Variants in CALCRL observed in about 807,000 individuals in gnomAD.
The protein encoded by CALCRL is calcitonin gene-related peptide type 1 receptor.
A neutral mutation model predicts 60.4 loss-of-function variants in CALCRL; 27 were observed. The ratio of observed to expected loss-of-function variants is 0.45; its 90% CI spans 0.33 to 0.62. CALCRL has a LOEUF of 0.62. Among genes scored for constraint, CALCRL ranks in the 20% least tolerant of loss-of-function variants. CALCRL has a pLI of 0.03. For synonymous variants in CALCRL, 190 were observed against 182.6 expected (o/e 1.04, Z -0.33); for missense variants, 424 against 540.7 (o/e 0.78, Z 2.14).
chr2:187,372,157 C>G (rs984959406), intron 8 of CALCRL, among the ~76,000 whole-genome samples: 2 of 151,640 alleles, frequency 1.3e-5, no homozygotes, highest in East Asian at 3.9e-4. Flanking sequence ...AAACCAACAA[C>G]ATTTTCTTTT....
chr2:187,445,368 A>G (rs1389635442), intron 1 of CALCRL, among the ~76,000 whole-genome samples: 1 of 151,672 alleles, frequency 6.6e-6, no homozygotes, highest in Non-Finnish European at 1.5e-5. Context: ...TAATCATTAT[A>G]TCTCCAAAAC....
intron 1 of CALCRL, chr2:187,428,921 A>C (rs970013712): frequency 6.6e-6 from 1 of 151,828 alleles, no homozygotes; most frequent in East Asian, 1.9e-4. Context: ...TACTGTAAGC[A>C]TAACTTTTCT....
intron 10 of CALCRL, among the ~76,000 whole-genome samples, chr2:187,359,933 G>A (rs1384443876): frequency 2.1e-5 from 3 of 140,764 alleles, no homozygotes; most frequent in African/African-American, 9.7e-5. Flanking sequence ...TAGAGATATA[G>A]ATAGATAGAT....
At chr2:187,352,816 GT>G (rs1686593156) in intron 12 of CALCRL, among the ~76,000 whole-genome samples, 1 of 151,744 alleles carries the variant, frequency 6.6e-6, no homozygotes, top group Non-Finnish European at 1.5e-5. Flanking sequence ...AAACTTTCCT[GT>G]TTCTTCTAGT....
rs1490145046 is a variant in CALCRL at position 187,344,318 on chromosome 2, T to G, written c.*1866A>C. ...ATTCTATATGTTAATTCTTACGAAT[T>G]TAGATAATTTGTCTTAGCAATTTGA... On this transcript the variant is annotated 3_prime_UTR_variant, in exon 15 of 15. Coordinates refer to ENST00000392370, the MANE Select transcript of CALCRL (RefSeq NM_005795.6). The G allele has an allele frequency of 6.6e-6, 1 of 151,606 alleles. No individual in the cohort carries two copies. Among genetic ancestry groups the G allele is most frequent in the Admixed American group, 6.6e-5 (1 of 15,160 alleles). The allele number at this position is 151,606 out of a possible 1,614,324, so 9.4% of individuals were successfully genotyped here. A position where few individuals can be genotyped will look rare whatever the true frequency, so the allele number is the denominator to read the frequency against.
intron 8 of CALCRL, among the ~76,000 whole-genome samples, chr2:187,373,141 T>G (rs59400383): frequency 0.29 from 43,785 of 151,998 alleles, 6,633 homozygotes; most frequent in Middle Eastern, 0.4. Flanking sequence ...CCTTAAAAAT[T>G]TATTGAGTGC....
intron 1 of CALCRL, among the ~76,000 whole-genome samples, chr2:187,393,143 G>T (rs138124447): frequency 1.8e-4 from 28 of 152,202 alleles, no homozygotes; most frequent in African/African-American, 6.0e-4. Flanking sequence ...CTCAAAGTGT[G>T]AGGTTGTGGG....
rs34143166 is a variant in CALCRL, at chr2:187,428,892, CAA to C, written c.-293+19145_-293+19146del. On this transcript the variant is annotated intron_variant, in intron 1 of 14. Transcript: ENST00000392370. ...TGGGCGACAGAGCAAGACTCCGCCT[CAA>C]AAAAAAAAAAAAAAATTACTGTAAG... 50 of 104,120 alleles carry C rather than the reference CAA, an allele frequency of 4.8e-4. 1 individual carries two copies. Among genetic ancestry groups the C allele is most frequent in the Middle Eastern group, 5.2e-3 (1 of 192 alleles). The allele number at this position is 104,120 out of a possible 1,614,324, so 6.4% of individuals were successfully genotyped here.
intron 12 of CALCRL, among the ~76,000 whole-genome samples, chr2:187,353,303 C>G (rs1686615973): frequency 6.6e-6 from 1 of 151,876 alleles, no homozygotes; most frequent in Admixed American, 6.6e-5. Context: ...TTGCTATTCT[C>G]TTTTCTTTTT....
chr2:187,347,643 A>G (rs1175905580), intron 14 of CALCRL, among the ~76,000 whole-genome samples: 1 of 151,664 alleles, frequency 6.6e-6, no homozygotes, highest in Non-Finnish European at 1.5e-5. Flanking sequence ...ACACACACAC[A>G]TACACACACA....
At chr2:187,405,978 TG>T (rs1689106446) in intron 1 of CALCRL, among the ~76,000 whole-genome samples, 3 of 151,850 alleles carry the variant, frequency 2.0e-5, no homozygotes, top group Middle Eastern at 6.8e-3. Flanking sequence ...TGTGTGTGTG[TG>T]TGTGTGTGTG....
intron 1 of CALCRL, among the ~76,000 whole-genome samples, chr2:187,396,792 A>G (rs1688672437): frequency 6.6e-6 from 1 of 151,724 alleles, no homozygotes; most frequent in Non-Finnish European, 1.5e-5. Flanking sequence ...TATATAAGGA[A>G]GTATATATTG....
In CALCRL at chr2:187,342,706, G is replaced by A. The variant is rs1686135749; in HGVS notation, c.*3478C>T. The stretch of plus-strand genomic sequence containing the variant: ...AAAAATAAAAATTAGTTATTAAGTG[G>A]AATGCAACTGATTATTGCCCTAAGG... On this transcript the variant is annotated 3_prime_UTR_variant, in exon 15 of 15. Coordinates refer to ENST00000392370, the MANE Select transcript of CALCRL (RefSeq NM_005795.6). Among the ~76,000 whole-genome samples the A allele has an allele frequency of 6.6e-6, 1 of 151,544 alleles. No individual in the cohort carries two copies. The highest frequency in any genetic ancestry group is 2.4e-5 in the African/African-American group (1 of 41,380).
intron 1 of CALCRL, chr2:187,441,820 T>C (rs1043009716): frequency 2.6e-5 from 4 of 151,562 alleles, no homozygotes; most frequent in African/African-American, 9.7e-5. Context: ...GGCCTATGGT[T>C]TGGAAAAAAG....
intron 12 of CALCRL, among the ~76,000 whole-genome samples, chr2:187,355,861 C>T (rs1399448687): frequency 1.3e-5 from 2 of 151,904 alleles, no homozygotes; most frequent in Non-Finnish European, 2.9e-5. Flanking sequence ...CAATAATAGA[C>T]AAACAGAGAG....
intron 1 of CALCRL, among the ~76,000 whole-genome samples, chr2:187,397,414 C>T (rs1688708170): frequency 6.6e-6 from 1 of 151,426 alleles, no homozygotes; most frequent in Middle Eastern, 3.2e-3. Flanking sequence ...AATACTGAGC[C>T]TATATATAAC....
rs993343876 is a variant in CALCRL, at chr2:187,412,889, A to G, written c.-292-25133T>C. 2.6e-4 allele frequency among the ~76,000 whole-genome samples: 39 copies of G among 152,194 alleles called. 1 individual carries two copies. The highest frequency in any genetic ancestry group is 3.4e-3 in the Middle Eastern group (1 of 294). ...AGTTTTTATTGATTGTTTTCTCTCAACTGGTCCTATTATAGTTACTATGGA... is the reference window on the plus strand; with the variant it reads ...AGTTTTTATTGATTGTTTTCTCTCAGCTGGTCCTATTATAGTTACTATGGA... On this transcript the variant is annotated intron_variant, in intron 1 of 14. Coordinates refer to ENST00000392370, the MANE Select transcript of CALCRL (RefSeq NM_005795.6).
intron 1 of CALCRL, among the ~76,000 whole-genome samples, chr2:187,389,059 ACTT>A (rs1045965517): frequency 5.3e-5 from 7 of 133,152 alleles, no homozygotes; most frequent in African/African-American, 1.4e-4. Context: ...TTTCTCTATT[ACTT>A]CTTCTTCTTT....
In CALCRL at chr2:187,448,238, G is replaced by C. The variant is rs1038969693; in HGVS notation, c.-492C>G. ...AGGAGGTGACACTCTCTGCTGGAGAGAGAGAGGTTGTTCTGAGTAGATTGT... is the reference window on the plus strand; with the variant it reads ...AGGAGGTGACACTCTCTGCTGGAGACAGAGAGGTTGTTCTGAGTAGATTGT... On this transcript the variant is annotated 5_prime_UTR_variant, in exon 1 of 15. Coordinates refer to ENST00000392370, the MANE Select transcript of CALCRL (RefSeq NM_005795.6). 6.6e-6 allele frequency: 1 copy of C among 152,120 alleles called. No individual in the cohort carries two copies. The highest frequency in any genetic ancestry group is 2.4e-5 in the African/African-American group (1 of 41,438). The allele number at this position is 152,120 out of a possible 1,614,324, so 9.4% of individuals were successfully genotyped here.
Sources: allele counts gnomAD v4.1 joint callset (sites outside exome capture counted in the v4.1 genomes callset), GRCh38; gene constraint gnomAD v4.1.1; transcripts MANE v1.5; gene names NCBI Gene and HGNC (gene_info 2026-07-23, HGNC 2026-07-21).